Variants in EGFLAM observed in about 807,000 individuals in gnomAD.
The protein encoded by EGFLAM is pikachurin.
In EGFLAM, 79 loss-of-function variants were observed where a neutral mutation model predicts 113.1. That is an observed-to-expected ratio of 0.70 (90% CI 0.58 to 0.84). The LOEUF is 0.84. Ranked by LOEUF, EGFLAM falls within the 40% of genes least tolerant of loss-of-function variation. The pLI, the probability that EGFLAM is intolerant of heterozygous loss-of-function variation, is 0.00. For missense variants in EGFLAM, 1,265 were observed against 1,291.6 expected (o/e 0.98, Z 0.32); for synonymous variants, 504 against 487.6 (o/e 1.03, Z -0.44).
intron 17 of EGFLAM, among the ~76,000 whole-genome samples, chr5:38,445,880 G>A (rs774763041): frequency 1.3e-5 from 2 of 152,170 alleles, no homozygotes; most frequent in African/African-American, 2.4e-5. Flanking sequence ...GGCTGAGCCG[G>A]CAGCTGCTGG....
intron 17 of EGFLAM, chr5:38,445,750 G>C: frequency 6.3e-7 from 1 of 1,588,058 alleles, no homozygotes; most frequent in Non-Finnish European, 8.5e-7. Flanking sequence ...CTCTGGGCTG[G>C]GGCAGGCCAA....
intron 1 of EGFLAM, among the ~76,000 whole-genome samples, chr5:38,270,490 G>GAA (rs11375351): frequency 0.051 from 6,139 of 119,386 alleles, 400 homozygotes; most frequent in African/African-American, 0.17. Flanking sequence ...CATTAGTTTG[G>GAA]AAAAAAAAAA....
At chr5:38,326,176 C>A (rs1411628997) in intron 1 of EGFLAM, among the ~76,000 whole-genome samples, 1 of 152,140 alleles carries the variant, frequency 6.6e-6, no homozygotes, top group African/African-American at 2.4e-5. Context: ...GGCCCACCTT[C>A]CTGTGAGGGC....
chr5:38,452,036 C>CTTT (rs550236407), intron 19 of EGFLAM, among the ~76,000 whole-genome samples: 12 of 118,400 alleles, frequency 1.0e-4, no homozygotes, highest in African/African-American at 2.6e-4. Flanking sequence ...TCCAACAGGA[C>CTTT]TTTTTTTTTT....
chr5:38,361,021 ATT>A (rs35274664), intron 5 of EGFLAM, among the ~76,000 whole-genome samples: 32 of 138,152 alleles, frequency 2.3e-4, no homozygotes, highest in African/African-American at 3.0e-4. Context: ...CGCCCAGCTA[ATT>A]TTTTTTTTTT....
chr5:38,279,026 CAAAT>C (rs1204276811), intron 1 of EGFLAM, among the ~76,000 whole-genome samples: 1 of 151,950 alleles, frequency 6.6e-6, no homozygotes, highest in Non-Finnish European at 1.5e-5. Flanking sequence ...AGTGAGAAAA[CAAAT>C]AACACAATTA....
intron 1 of EGFLAM, among the ~76,000 whole-genome samples, chr5:38,289,314 T>C (rs1758250800): frequency 6.6e-6 from 1 of 150,762 alleles, no homozygotes; most frequent in Non-Finnish European, 1.5e-5. Flanking sequence ...TTCAGATTCT[T>C]TTTACTTGAA....
chr5:38,332,206 T>C (rs923213725), intron 1 of EGFLAM, among the ~76,000 whole-genome samples: 5 of 152,212 alleles, frequency 3.3e-5, no homozygotes, highest in African/African-American at 1.2e-4. Flanking sequence ...TTCATATGCT[T>C]ACTTGCCATT....
intron 15 of EGFLAM, among the ~76,000 whole-genome samples, chr5:38,433,513 A>C (rs1317686890): frequency 6.6e-6 from 1 of 152,178 alleles, no homozygotes; most frequent in African/African-American, 2.4e-5. Context: ...CCCCTTGGGC[A>C]TGGCAGCTGC....
Position 38,406,234 on chromosome 5 carries a change from T to C in EGFLAM, c.821T>C (p.Phe274Ser). 2 of 1,613,948 alleles carry C rather than the reference T, an allele frequency of 1.2e-6. No homozygotes were observed. The highest frequency in any genetic ancestry group is 1.7e-6 in the Non-Finnish European group (2 of 1,179,836). Reference protein sequence around the residue: ...FEDDLDLDISFEEVKPLPATK... With the variant: ...FEDDLDLDISSEEVKPLPATK... ...GACGACTTAGATTTGGATATTTCCT[T>C]TGAGGAGGTAACAATAATCTCTGCT... Residue 274 changes from phenylalanine to serine, a missense_variant, in exon 7 of 22, where the codon TTT becomes TCT. Coordinates refer to ENST00000322350, the MANE Select transcript of EGFLAM (RefSeq NM_152403.4).
At chr5:38,317,754 C>G (rs911340158) in intron 1 of EGFLAM, among the ~76,000 whole-genome samples, 1 of 152,332 alleles carries the variant, frequency 6.6e-6, no homozygotes, top group East Asian at 1.9e-4. Flanking sequence ...AACCCAATGG[C>G]TTTACAGGTA....
intron 1 of EGFLAM, among the ~76,000 whole-genome samples, chr5:38,278,849 G>A (rs1757952142): frequency 6.6e-6 from 1 of 151,746 alleles, no homozygotes; most frequent in Non-Finnish European, 1.5e-5. Context: ...CCAACAAAAG[G>A]AAAAAGACAA....
Position 38,408,011 on chromosome 5 carries a change from CG to C in EGFLAM, c.1248+107del, listed in dbSNP as rs1395261247. The C allele has an allele frequency of 6.2e-6, 5 of 806,746 alleles. No individual in the cohort carries two copies. In the East Asian group the frequency reaches 1.0e-4, roughly 17 times the overall value. The allele number at this position is 806,746 out of a possible 1,614,324, so 50.0% of individuals were successfully genotyped here. A position where few individuals can be genotyped will look rare whatever the true frequency, so the allele number is the denominator to read the frequency against. On this transcript the variant is annotated intron_variant, in intron 9 of 21. Coordinates refer to ENST00000322350, the MANE Select transcript of EGFLAM (RefSeq NM_152403.4). ...GGAAGCGGGGCAGCAGGGAGAGCGACGAAAGGTAAATATGACACAGAGCCTG... is the reference window on the plus strand; with the variant it reads ...GGAAGCGGGGCAGCAGGGAGAGCGACAAAGGTAAATATGACACAGAGCCTG...
intron 1 of EGFLAM, among the ~76,000 whole-genome samples, chr5:38,332,468 G>A (rs971835549): frequency 3.9e-5 from 6 of 152,004 alleles, no homozygotes; most frequent in East Asian, 1.9e-4. Context: ...CCCCAGTGCC[G>A]AGACCAGCTT....
chr5:38,261,154 A>G (rs908509926), intron 1 of EGFLAM, among the ~76,000 whole-genome samples: 2 of 152,098 alleles, frequency 1.3e-5, no homozygotes, highest in African/African-American at 4.8e-5. Context: ...CCCCATCCGC[A>G]CCTACCTCTG....
At chr5:38,419,203 T>A (rs1426557298) in intron 12 of EGFLAM, among the ~76,000 whole-genome samples, 1 of 152,204 alleles carries the variant, frequency 6.6e-6, no homozygotes, top group Non-Finnish European at 1.5e-5. Flanking sequence ...TCAATTAACC[T>A]TAAATACCTC....
At chr5:38,395,766 C>T (rs1740943216) in intron 6 of EGFLAM, among the ~76,000 whole-genome samples, 2 of 152,196 alleles carry the variant, frequency 1.3e-5, no homozygotes, top group African/African-American at 4.8e-5. Flanking sequence ...CCATCTCACT[C>T]TCCCTGATGT....
intron 1 of EGFLAM, among the ~76,000 whole-genome samples, chr5:38,267,400 T>C (rs1757658908): frequency 6.6e-6 from 1 of 152,182 alleles, no homozygotes; most frequent in Non-Finnish European, 1.5e-5. Context: ...AAATACAACC[T>C]GAGTTTAAAG....
At chr5:38,309,860 C>T (rs1305141415) in intron 1 of EGFLAM, among the ~76,000 whole-genome samples, 1 of 152,194 alleles carries the variant, frequency 6.6e-6, no homozygotes, top group Non-Finnish European at 1.5e-5. Context: ...CAGGCAAAAT[C>T]CAACTTGCCT....
Sources: allele counts gnomAD v4.1 joint callset (sites outside exome capture counted in the v4.1 genomes callset), GRCh38; gene constraint gnomAD v4.1.1; transcripts MANE v1.5; gene names NCBI Gene and HGNC (gene_info 2026-07-23, HGNC 2026-07-21).